Variants in CSF1R observed in about 807,000 individuals in gnomAD.
CSF1R encodes the protein colony stimulating factor 1 receptor.
In CSF1R, 40 loss-of-function variants were observed where a neutral mutation model predicts 110.0. That is an observed-to-expected ratio of 0.36 (90% CI 0.28 to 0.47). CSF1R has a LOEUF of 0.47. Among genes scored for constraint, CSF1R ranks in the 20% least tolerant of loss-of-function variants. The pLI is 0.99. For missense variants in CSF1R, 1,052 were observed against 1,253.0 expected (o/e 0.84, Z 2.42); for synonymous variants, 523 against 503.4 (o/e 1.04, Z -0.52).
At position 150,078,510 on chromosome 5, in the gene CSF1R, C is replaced by T. The variant is rs559644114; in HGVS notation, c.593-262G>A. 2.8e-4 allele frequency among the ~76,000 whole-genome samples: 42 copies of T among 152,258 alleles called. No individual in the cohort carries two copies. In the South Asian group the frequency reaches 7.9e-3, roughly 29 times the overall value. On this transcript the variant is annotated intron_variant, in intron 3 of 20. Transcript: ENST00000675795. The stretch of plus-strand genomic sequence containing the variant: ...TCTCCACTCTGGACTTCTGCACCAG[C>T]CTCCTCAGAGACCTCCCTGCCTCCC...
intron 1 of CSF1R, among the ~76,000 whole-genome samples, chr5:150,109,622 AC>A (rs1759659949): frequency 6.6e-6 from 1 of 152,230 alleles, no homozygotes; most frequent in Non-Finnish European, 1.5e-5. Context: ...AGTCCAGAGT[AC>A]TTAGCTAGAA....
At chr5:150,086,121 A>G (rs983787133) in intron 1 of CSF1R, among the ~76,000 whole-genome samples, 1 of 152,178 alleles carries the variant, frequency 6.6e-6, no homozygotes, top group Non-Finnish European at 1.5e-5. Flanking sequence ...CAAGAGTATC[A>G]GAGGCTTGCT....
chr5:150,088,722 C>T (rs1268914489), upstream of CSF1R, among the ~76,000 whole-genome samples: 2 of 152,034 alleles, frequency 1.3e-5, no homozygotes, highest in African/African-American at 2.4e-5. Flanking sequence ...TTAGTAGAGA[C>T]AGGGTTTCAC....
In CSF1R at chr5:150,081,064, G is replaced by A. The variant is rs201114404; in HGVS notation, c.50-40C>T. On this transcript the variant is annotated intron_variant, in intron 1 of 20. Transcript: ENST00000675795. ...GGACAGCAGACAGAAGTGAGGTCTA[G>A]GATGCGCCCCTTGGGCCGTCCTGAC... The A allele has an allele frequency of 2.3e-4, 374 of 1,608,200 alleles. 1 individual carries two copies. The highest frequency in any genetic ancestry group is 1.5e-3 in the Middle Eastern group (9 of 6,036).
chr5:150,058,292 T>G, intron 14 of CSF1R: 1 of 456,130 alleles, frequency 2.2e-6, no homozygotes. Flanking sequence ...ACACTTGGGG[T>G]AGAGAATTTG....
intron 5 of CSF1R, chr5:150,076,898 G>A (rs1161169002): frequency 6.4e-6 from 2 of 311,298 alleles, no homozygotes; most frequent in East Asian, 1.6e-4. Flanking sequence ...GTGTTCCCAG[G>A]ACACCTTGTG....
intron 1 of CSF1R, among the ~76,000 whole-genome samples, chr5:150,100,452 C>A (rs1759372527): frequency 6.6e-6 from 1 of 151,984 alleles, no homozygotes; most frequent in Non-Finnish European, 1.5e-5. Flanking sequence ...CACCCGCCAC[C>A]ACGCCCAGCT....
At chr5:150,070,362 G>C (rs2113809609) in intron 7 of CSF1R, 60 bp from the exon 8 acceptor site, 1 of 1,597,446 alleles carries the variant, frequency 6.3e-7, no homozygotes, top group Non-Finnish European at 8.5e-7. Flanking sequence ...CAATCTCCCA[G>C]TACCTACTTC....
chr5:150,054,802 C>A, intron 19 of CSF1R: 1 of 256,506 alleles, frequency 3.9e-6, no homozygotes, highest in Non-Finnish European at 7.4e-6. Context: ...GCCTGGACAA[C>A]ATAGTGAGAT....
chr5:150,094,113 A>G, intron 1 of CSF1R, among the ~76,000 whole-genome samples: 1 of 152,322 alleles, frequency 6.6e-6, no homozygotes, highest in South Asian at 2.1e-4. Flanking sequence ...AAAATAAAAT[A>G]AAACTTGAAG....
Position 150,061,473 on chromosome 5 carries a change from T to TCCCCCCC in CSF1R, c.1858+17_1858+18insGGGGGGG. 4.2e-6 allele frequency: 2 copies of TCCCCCCC among 471,926 alleles called. No individual in the cohort carries two copies. The highest frequency in any genetic ancestry group is 2.6e-5 in the South Asian group (1 of 38,398). 29.2% of individuals were successfully genotyped at this position (471,926 alleles called of 1,614,324 possible). ...CTACCACCCCCCATCCCTTCCCTCA[T>TCCCCCCC]CCCCTCCCCTCACTCACACTTCAGC... On this transcript the variant is annotated intron_variant, in intron 12 of 20. Coordinates refer to ENST00000675795, the MANE Select transcript of CSF1R (RefSeq NM_001288705.3).
At chr5:150,096,392 A>G (rs938180494) in intron 1 of CSF1R, among the ~76,000 whole-genome samples, 5 of 151,964 alleles carry the variant, frequency 3.3e-5, no homozygotes, top group African/African-American at 1.2e-4. Context: ...CTCCATCTCA[A>G]AAGAAAGAAA....
chr5:150,110,237 T>A (rs1472018453), intron 1 of CSF1R, among the ~76,000 whole-genome samples: 1 of 152,166 alleles, frequency 6.6e-6, no homozygotes, highest in Non-Finnish European at 1.5e-5. Context: ...GCTTAGACTA[T>A]GCGGTCCAAC....
intron 13 of CSF1R, 62 bp downstream of exon 13, chr5:150,060,800 T>C (rs1757473417): frequency 1.8e-6 from 2 of 1,102,104 alleles, no homozygotes; most frequent in Non-Finnish European, 1.3e-6. Flanking sequence ...AAGGTAGCCC[T>C]GGGGCCCTGA....
At chr5:150,105,910 CAT>C (rs550630527) in intron 1 of CSF1R, among the ~76,000 whole-genome samples, 2 of 152,332 alleles carry the variant, frequency 1.3e-5, no homozygotes, top group South Asian at 4.1e-4. Flanking sequence ...GCTTTTAACA[CAT>C]GAGGCTGATT....
chr5:150,089,791 A>G (rs1561953046), upstream of CSF1R, among the ~76,000 whole-genome samples: 2 of 152,244 alleles, frequency 1.3e-5, no homozygotes, highest in Non-Finnish European at 2.9e-5. Context: ...CTATAAAACT[A>G]CAGAAATCAA....
chr5:150,110,236 A>G (rs190142250), intron 1 of CSF1R, among the ~76,000 whole-genome samples: 1 of 152,166 alleles, frequency 6.6e-6, no homozygotes, highest in Non-Finnish European at 1.5e-5. Flanking sequence ...AGCTTAGACT[A>G]TGCGGTCCAA....
rs1757949855 is a variant in CSF1R at position 150,069,818 on chromosome 5, A to C, written c.1510+55T>G. On this transcript the variant is annotated intron_variant, in intron 9 of 20. Coordinates refer to ENST00000675795, the MANE Select transcript of CSF1R (RefSeq NM_001288705.3). ...GGGTGGGGGAGGAGCCGCCTAAAGG[A>C]GCAGGGGCGGGGGGCGGGCGGGGGG... 3 of 1,177,276 alleles carry C rather than the reference A, an allele frequency of 2.5e-6. No individual in the cohort carries two copies. The Admixed American group carries it at 1.0e-4, about 41-fold the overall frequency. 72.9% of individuals were successfully genotyped at this position (1,177,276 alleles called of 1,614,324 possible).
chr5:150,081,461 T>C (rs1037394399), intron 1 of CSF1R, among the ~76,000 whole-genome samples: 1 of 151,926 alleles, frequency 6.6e-6, no homozygotes, highest in Non-Finnish European at 1.5e-5. Context: ...TTAATTCATA[T>C]GGGAAAGAAA....
Sources: allele counts gnomAD v4.1 joint callset (sites outside exome capture counted in the v4.1 genomes callset), GRCh38; gene constraint gnomAD v4.1.1; transcripts MANE v1.5; gene names NCBI Gene and HGNC (gene_info 2026-07-23, HGNC 2026-07-21).